The following PDE7A variants were observed in gnomAD, a reference collection of about 807,000 sequenced individuals.
PDE7A encodes the protein phosphodiesterase 7A, also known as high affinity 3',5'-cyclic-AMP phosphodiesterase 7A.
A neutral mutation model predicts 64.3 loss-of-function variants in PDE7A; 39 were observed. The observed-to-expected ratio is 0.61, with a 90% CI of 0.47 to 0.79. The LOEUF is 0.79. Ranked by LOEUF, PDE7A falls within the 30% of genes least tolerant of loss-of-function variation. The pLI is 0.00. For synonymous variants in PDE7A, 203 were observed against 206.8 expected (o/e 0.98, Z 0.16); for missense variants, 470 against 582.8 (o/e 0.81, Z 1.99).
At chr8:65,725,070 A>T (rs1293313068) in intron 9 of PDE7A, 149 bp from the exon 10 acceptor site, 1 of 466,054 alleles carries the variant, frequency 2.1e-6, no homozygotes. Context: ...ACAAAAAATG[A>T]GTTTTATAGA....
At chr8:65,752,720 A>C (rs1055572417) in intron 3 of PDE7A, among the ~76,000 whole-genome samples, 1 of 152,198 alleles carries the variant, frequency 6.6e-6, no homozygotes, top group East Asian at 1.9e-4. Flanking sequence ...CTTGAATTAT[A>C]TCTCTAAATA....
chr8:65,824,224 AT>A (rs1810611439), intron 1 of PDE7A, among the ~76,000 whole-genome samples: 1 of 152,106 alleles, frequency 6.6e-6, no homozygotes, highest in Admixed American at 6.6e-5. Flanking sequence ...TGTTATGGTG[AT>A]CTGTGATAGT....
chr8:65,755,969 TTTTG>T (rs1418870846), intron 3 of PDE7A, among the ~76,000 whole-genome samples: 12 of 152,218 alleles, frequency 7.9e-5, no homozygotes, highest in Admixed American at 7.9e-4. Context: ...CTCCCTCAAC[TTTTG>T]TTTGTCTGGA....
At chr8:65,790,319 A>T (rs1809666480) in intron 1 of PDE7A, among the ~76,000 whole-genome samples, 1 of 152,196 alleles carries the variant, frequency 6.6e-6, no homozygotes, top group Non-Finnish European at 1.5e-5. Context: ...GCTTTTTAAA[A>T]AGACCACTTT....
Position 65,779,912 on chromosome 8 carries a change from C to G in PDE7A, c.200-109G>C, listed in dbSNP as rs144356458. On this transcript the variant is annotated intron_variant, in intron 2 of 12. Coordinates refer to ENST00000401827, the MANE Select transcript of PDE7A (RefSeq NM_001242318.3). ...TATCATATTCATAAGTAACAGCCCA[C>G]TGATCATATATGTGGAACAGGTAGT... is the stretch of plus-strand genomic sequence containing the variant. 131 of 583,208 alleles carry G rather than the reference C, an allele frequency of 2.2e-4. No homozygotes were observed. The African/African-American group carries it at 2.4e-3, about 11-fold the overall frequency. The allele number at this position is 583,208 out of a possible 1,614,324, so 36.1% of individuals were successfully genotyped here.
chr8:65,734,832 C>T lies in PDE7A; in HGVS notation c.658G>A (p.Val220Ile), dbSNP rs144105167. 45 of 1,611,236 alleles carry T rather than the reference C, an allele frequency of 2.8e-5. No individual in the cohort carries two copies. Among genetic ancestry groups the T allele is most frequent in the Non-Finnish European group, 3.7e-5 (44 of 1,177,500 alleles). Residue 220 changes from valine (V) to isoleucine (I), a missense_variant, in exon 7 of 13, where the codon GTT becomes ATT. By Grantham distance (29) the Val-to-Ile change is conservative. Transcript: ENST00000401827. Reference sequence around the variant, plus strand: ...AAGTAACAGTGCATGGCCTGAGTAACATCCGCAGCGTGGACTGCGTTATGG... The same window carrying T: ...AAGTAACAGTGCATGGCCTGAGTAATATCCGCAGCGTGGACTGCGTTATGG... Reference protein sequence around the residue: ...PYHNAVHAADVTQAMHCYLKE... With the variant: ...PYHNAVHAADITQAMHCYLKE...
rs202082825 is a variant in PDE7A, at chr8:65,735,319, GT to G, written c.596-426del. ...CCTTTCAGTACCCTTGGTTAATAGTGTTTTTTTGAGACAGGATCTCACTTCG... is the reference window on the plus strand; with the variant it reads ...CCTTTCAGTACCCTTGGTTAATAGTGTTTTTTGAGACAGGATCTCACTTCG... On this transcript the variant is annotated intron_variant, in intron 6 of 12. Coordinates refer to ENST00000401827, the MANE Select transcript of PDE7A (RefSeq NM_001242318.3). Among the ~76,000 whole-genome samples, 901 of 152,088 alleles carry G rather than the reference GT, an allele frequency of 5.9e-3. 9 individuals carry two copies. The highest frequency in any genetic ancestry group is 0.021 in the African/African-American group (870 of 41,504).
chr8:65,733,768 T>C (rs1476101898), intron 7 of PDE7A, among the ~76,000 whole-genome samples: 2 of 152,196 alleles, frequency 1.3e-5, no homozygotes, highest in African/African-American at 4.8e-5. Flanking sequence ...AAAACGGGCA[T>C]TTTCACATAT....
intron 10 of PDE7A, 60 bp from the exon 11 acceptor site, chr8:65,724,411 A>G (rs1806523653): frequency 9.0e-7 from 1 of 1,105,988 alleles, no homozygotes; most frequent in African/African-American, 1.5e-5. Flanking sequence ...ATAATACCAA[A>G]GAACCAAGTG....
intron 1 of PDE7A, among the ~76,000 whole-genome samples, chr8:65,813,150 A>C (rs1810296972): frequency 6.6e-6 from 1 of 152,222 alleles, no homozygotes; most frequent in South Asian, 2.1e-4. Context: ...TTTTGTAGTG[A>C]GAATGTAAGT....
At chr8:65,724,977 G>A in intron 9 of PDE7A, 56 bp from the exon 10 acceptor site, 1 of 1,191,664 alleles carries the variant, frequency 8.4e-7, no homozygotes, top group Non-Finnish European at 1.2e-6. Flanking sequence ...ACTATTTATT[G>A]ATTTTTTTTC....
intron 1 of PDE7A, among the ~76,000 whole-genome samples, chr8:65,813,865 ATTT>A (rs1308181297): frequency 1.3e-5 from 2 of 152,116 alleles, no homozygotes; most frequent in Non-Finnish European, 2.9e-5. Context: ...AACCTTGATA[ATTT>A]TCTCTTCTTC....
chr8:65,759,247 T>G (rs923285196), intron 3 of PDE7A, among the ~76,000 whole-genome samples: 1 of 152,210 alleles, frequency 6.6e-6, no homozygotes, highest in Non-Finnish European at 1.5e-5. Context: ...TCCTTAAGTG[T>G]CTGGCTCCAA....
At chr8:65,827,942 T>A (rs1350792929) in intron 1 of PDE7A, among the ~76,000 whole-genome samples, 1 of 152,184 alleles carries the variant, frequency 6.6e-6, no homozygotes, top group Non-Finnish European at 1.5e-5. Context: ...ACCTTCTATG[T>A]GCCAGGCACA....
chr8:65,833,068 G>A (rs1017492680), intron 1 of PDE7A, among the ~76,000 whole-genome samples: 3 of 152,180 alleles, frequency 2.0e-5, no homozygotes, highest in Non-Finnish European at 4.4e-5. Flanking sequence ...AAAGTAGGAA[G>A]AGTGCACAGC....
chr8:65,817,105 G>A (rs1342046087), intron 1 of PDE7A, among the ~76,000 whole-genome samples: 1 of 152,110 alleles, frequency 6.6e-6, no homozygotes, highest in Non-Finnish European at 1.5e-5. Flanking sequence ...CCCCTCTAGT[G>A]AATTTTTAGT....
intron 3 of PDE7A, among the ~76,000 whole-genome samples, chr8:65,761,063 TC>T (rs1355600295): frequency 6.6e-6 from 1 of 151,994 alleles, no homozygotes; most frequent in Non-Finnish European, 1.5e-5. Flanking sequence ...TATTGTTTTT[TC>T]TTTTTTTTTT....
In PDE7A at chr8:65,719,458, T is replaced by C. The variant is rs1220062830; in HGVS notation, c.1281A>G (p.Glu427=). 1 of 1,613,948 alleles carries C rather than the reference T, an allele frequency of 6.2e-7. No homozygotes were observed. The highest frequency in any genetic ancestry group is 1.3e-5 in the African/African-American group (1 of 74,928). ...MTYLVEPLFT[E]WARFSNTRLS... The stretch of plus-strand genomic sequence containing the variant: ...GCCTTGTATTGGAAAACCTGGCCCA[T>C]TCTGTAAATAAAGGCTCCACTAGGT... The change falls in exon 13 of 13, where the codon GAA becomes GAG. Residue 427 remains glutamate, a synonymous_variant. Coordinates refer to ENST00000401827, the MANE Select transcript of PDE7A (RefSeq NM_001242318.3).
chr8:65,786,876 T>C (rs1809571339), intron 1 of PDE7A, among the ~76,000 whole-genome samples: 1 of 152,192 alleles, frequency 6.6e-6, no homozygotes, highest in Non-Finnish European at 1.5e-5. Flanking sequence ...CTGTCAGCAG[T>C]AGCACAAACA....
Sources: gnomAD v4.1 joint callset for allele counts (sites outside exome capture counted in the v4.1 genomes callset) on GRCh38, gnomAD v4.1.1 for gene constraint, MANE v1.5 for transcripts, NCBI Gene and HGNC (gene_info 2026-07-23, HGNC 2026-07-21) for gene names.